The following CNTLN variants were observed in gnomAD, a reference collection of about 807,000 sequenced individuals.
CNTLN encodes the protein centlein, centrosomal protein.
In CNTLN, 212 loss-of-function variants were observed where a neutral mutation model predicts 180.0. That is an observed-to-expected ratio of 1.18 (90% confidence interval 1.05 to 1.32). CNTLN has a LOEUF of 1.32. Among genes scored for constraint, CNTLN ranks in the 40% most tolerant of loss-of-function variants. CNTLN has a pLI of 0.00. For synonymous variants in CNTLN, 722 were observed against 563.1 expected, an observed-to-expected ratio of 1.28 and a Z score of -3.99; for missense variants, 2,095 against 1,610.9, an observed-to-expected ratio of 1.30 and a Z score of -5.14.
intron 1 of CNTLN, among the ~76,000 whole-genome samples, chr9:17,141,555 G>A (rs970459115): frequency 1.3e-5 from 2 of 152,150 alleles, no homozygotes; most frequent in Admixed American, 6.5e-5. Context: ...GCCATATGGA[G>A]TCTTGTAGCC....
intron 18 of CNTLN, among the ~76,000 whole-genome samples, chr9:17,418,901 A>G (rs1046893007): frequency 1.3e-5 from 2 of 152,082 alleles, no homozygotes; most frequent in African/African-American, 4.8e-5. Flanking sequence ...TAAGAGGTTG[A>G]TAAGAGGAAC....
chr9:17,362,749 A>T (rs56410790), intron 12 of CNTLN, among the ~76,000 whole-genome samples: 4 of 151,518 alleles, frequency 2.6e-5, no homozygotes, highest in Admixed American at 6.6e-5. Flanking sequence ...TCCTTTTTTT[A>T]AAATTATACT....
At chr9:17,444,407 C>G (rs565830265) in intron 18 of CNTLN, among the ~76,000 whole-genome samples, 1 of 152,250 alleles carries the variant, frequency 6.6e-6, no homozygotes, top group South Asian at 2.1e-4. Flanking sequence ...GAGTAATTGA[C>G]AGGAATTTCA....
chr9:17,460,749 A>G (rs1337828500), intron 19 of CNTLN, among the ~76,000 whole-genome samples: 1 of 151,794 alleles, frequency 6.6e-6, no homozygotes, highest in East Asian at 1.9e-4. Context: ...AAGTCTAAAA[A>G]CAGAAAAGAA....
At chr9:17,496,627 G>A (rs2134394572) in intron 25 of CNTLN, among the ~76,000 whole-genome samples, 1 of 152,270 alleles carries the variant, frequency 6.6e-6, no homozygotes, top group South Asian at 2.1e-4. Context: ...TTTTATATCA[G>A]TTAAGCTTTC....
chr9:17,231,189 C>T (rs752615026), intron 3 of CNTLN, among the ~76,000 whole-genome samples: 1 of 152,092 alleles, frequency 6.6e-6, no homozygotes, highest in Non-Finnish European at 1.5e-5. Context: ...AAGCCCCCTC[C>T]ATTGAATTGT....
At chr9:17,301,829 CA>C in intron 7 of CNTLN, 2 of 979,882 alleles carry the variant, frequency 2.0e-6, no homozygotes, top group African/African-American at 1.8e-5. Context: ...CTCCCAGAGG[CA>C]AATACTGTGA....
chr9:17,475,872 C>CA (rs67818691), intron 23 of CNTLN, among the ~76,000 whole-genome samples: 1,867 of 117,172 alleles, frequency 0.016, 47 homozygotes, highest in African/African-American at 0.052. Context: ...GACTCTCTCT[C>CA]AAAAAAAAAA....
intron 2 of CNTLN, among the ~76,000 whole-genome samples, chr9:17,209,464 T>G (rs778143070): frequency 6.6e-6 from 1 of 152,124 alleles, no homozygotes; most frequent in Non-Finnish European, 1.5e-5. Flanking sequence ...TGAAGTCCAG[T>G]GTTTCTTTGT....
At chr9:17,347,297 A>T (rs550125234) in intron 12 of CNTLN, among the ~76,000 whole-genome samples, 121 of 152,284 alleles carry the variant, frequency 7.9e-4, no homozygotes, top group African/African-American at 2.7e-3. Context: ...TGTCTCCTGG[A>T]CATGTGGACT....
chr9:17,221,971 G>A (rs1365430365), intron 2 of CNTLN, among the ~76,000 whole-genome samples: 1 of 151,530 alleles, frequency 6.6e-6, no homozygotes, highest in Non-Finnish European at 1.5e-5. Context: ...ACCTAAGGCC[G>A]AACAAACTAT....
chr9:17,185,940 G>A (rs533502059), intron 2 of CNTLN, among the ~76,000 whole-genome samples: 9 of 151,816 alleles, frequency 5.9e-5, no homozygotes, highest in Admixed American at 3.3e-4. Flanking sequence ...CTATAGGCGC[G>A]CACCACCACA....
intron 5 of CNTLN, among the ~76,000 whole-genome samples, chr9:17,254,959 T>G (rs1826383986): frequency 6.6e-6 from 1 of 151,794 alleles, no homozygotes; most frequent in African/African-American, 2.4e-5. Context: ...CTATAATTTC[T>G]GTTAATAATG....
chr9:17,486,774 G>T (rs78048142), intron 24 of CNTLN, among the ~76,000 whole-genome samples: 2 of 151,990 alleles, frequency 1.3e-5, no homozygotes, highest in South Asian at 4.1e-4. Flanking sequence ...CTGAATTACT[G>T]TGAAGTATAT....
chr9:17,299,560 G>A (rs1353324810), intron 7 of CNTLN: 2 of 985,078 alleles, frequency 2.0e-6, no homozygotes, highest in Non-Finnish European at 2.4e-6. Context: ...GTGGTTTTCA[G>A]TGTGTGTTTT....
chr9:17,389,669 C>G (rs1268064532), intron 14 of CNTLN, among the ~76,000 whole-genome samples: 1 of 151,988 alleles, frequency 6.6e-6, no homozygotes, highest in African/African-American at 2.4e-5. Context: ...ATATATGAAA[C>G]TCACTCAAAA....
chr9:17,263,846 G>C (rs966204354), intron 5 of CNTLN, among the ~76,000 whole-genome samples: 2 of 142,564 alleles, frequency 1.4e-5, no homozygotes, highest in South Asian at 2.5e-4. Context: ...GTCTTCTTTT[G>C]AGAAGTGTCT....
At chr9:17,447,436 G>A (rs1232264723) in intron 18 of CNTLN, 4 of 165,242 alleles carry the variant, frequency 2.4e-5, no homozygotes, top group East Asian at 1.7e-4. Flanking sequence ...ACACAGTTGC[G>A]GTCCGCTGGC....
At chr9:17,269,151 G>T (rs1034574882) in intron 5 of CNTLN, among the ~76,000 whole-genome samples, 1 of 152,098 alleles carries the variant, frequency 6.6e-6, no homozygotes, top group Admixed American at 6.5e-5. Flanking sequence ...ACTGTAGACC[G>T]GAGCTGTTCC....
Sources: allele counts gnomAD v4.1 joint callset (sites outside exome capture counted in the v4.1 genomes callset), GRCh38; gene constraint gnomAD v4.1.1; transcripts MANE v1.5; gene names NCBI Gene and HGNC (gene_info 2026-07-23, HGNC 2026-07-21).